Variants in VPS13B observed in about 807,000 individuals in gnomAD.
VPS13B encodes the protein vacuolar protein sorting 13 homolog B.
In VPS13B, 285 loss-of-function variants were observed where a neutral mutation model predicts 426.4. The ratio of observed to expected loss-of-function variants is 0.67; its 90% CI spans 0.61 to 0.74. VPS13B has a LOEUF of 0.74. Ranked by LOEUF, VPS13B falls within the 30% of genes least tolerant of loss-of-function variation. VPS13B has a pLI of 0.00. For synonymous variants in VPS13B, 1,676 were observed against 1,676.4 expected, an observed-to-expected ratio of 1.00 and a Z score of 0.01; for missense variants, 4,537 against 4,782.6, an observed-to-expected ratio of 0.95 and a Z score of 1.51.
At chr8:99,835,115 A>G (rs752626369) in intron 52 of VPS13B, 82 bp from the exon 53 acceptor site, 45 of 1,588,150 alleles carry the variant, frequency 2.8e-5, no homozygotes, top group Non-Finnish European at 3.8e-5. Context: ...AATGTTGCAA[A>G]TCTAAATAAA....
At chr8:99,489,239 C>T (rs567074414) in intron 25 of VPS13B, among the ~76,000 whole-genome samples, 1 of 152,130 alleles carries the variant, frequency 6.6e-6, no homozygotes, top group East Asian at 1.9e-4. Flanking sequence ...TTCCATTGGT[C>T]TGTATCTCTG....
chr8:99,178,178 C>T (rs190707374), intron 16 of VPS13B, among the ~76,000 whole-genome samples: 1 of 148,916 alleles, frequency 6.7e-6, no homozygotes, highest in South Asian at 2.1e-4. Context: ...TTATTATACT[C>T]TAAGTTTTAG....
At position 99,766,791 on chromosome 8, in the gene VPS13B, A is replaced by G; in HGVS notation, c.7068A>G (p.Glu2356=). ...TAACATAGGTTCCTTGTAGCTTGGA[A>G]TACTGGGATGAACTCCAGAAGGTTT... ...GDVLQVPCSL[E]YWDELQKVFV... is the part of the protein sequence containing the mutation. Residue 2356 remains glutamate, a synonymous_variant, in exon 40 of 62, where the codon GAA becomes GAG. Coordinates refer to ENST00000357162, the MANE Select transcript of VPS13B (RefSeq NM_152564.5). 6.2e-7 allele frequency: 1 copy of G among 1,613,842 alleles called. No homozygotes were observed. Among genetic ancestry groups the G allele is most frequent in the Admixed American group, 1.7e-5 (1 of 60,016 alleles).
intron 34 of VPS13B, among the ~76,000 whole-genome samples, chr8:99,646,849 C>G (rs908198475): frequency 5.3e-5 from 8 of 152,150 alleles, no homozygotes; most frequent in Non-Finnish European, 8.8e-5. Flanking sequence ...GATGCGCTGG[C>G]TTTCCCCTTT....
At chr8:99,755,104 A>G (rs1268697492) in intron 39 of VPS13B, among the ~76,000 whole-genome samples, 3 of 152,238 alleles carry the variant, frequency 2.0e-5, no homozygotes, top group South Asian at 2.1e-4. Context: ...GCTCATGAAT[A>G]AGACTATGCA....
At chr8:99,325,301 T>C (rs3103709) in intron 19 of VPS13B, among the ~76,000 whole-genome samples, 111,377 of 152,092 alleles carry the variant, frequency 0.73, 41,367 homozygotes, top group Middle Eastern at 0.83. Flanking sequence ...TACCCTGCTT[T>C]AGACTAACTT....
chr8:99,779,652 C>T (rs1209518128), intron 42 of VPS13B, among the ~76,000 whole-genome samples: 1 of 151,988 alleles, frequency 6.6e-6, no homozygotes, highest in East Asian at 1.9e-4. Context: ...AGGGATGAAG[C>T]GTAAGTCTAT....
chr8:99,746,578 G>A lies in VPS13B; in HGVS notation c.7051-20196G>A, dbSNP rs532487906. Among the ~76,000 whole-genome samples, 10 of 152,232 alleles carry A rather than the reference G, an allele frequency of 6.6e-5. No homozygotes were observed. The East Asian group carries it at 1.4e-3, about 21-fold the overall frequency. ...GTGCTTTGCTCTTCCCAAATCTTGC[G>A]CATTCCATACATCATAGTAGTTTAA... On this transcript the variant is annotated intron_variant, in intron 39 of 61. Transcript: ENST00000357162.
At chr8:99,540,009 TAAATTATATATATA>T (rs1309313792) in intron 30 of VPS13B, among the ~76,000 whole-genome samples, 1 of 86,678 alleles carries the variant, frequency 1.2e-5, no homozygotes, top group Non-Finnish European at 2.2e-5. Flanking sequence ...AATATATAAA[TAAATTATATATATA>T]TATATATATA....
intron 17 of VPS13B, among the ~76,000 whole-genome samples, chr8:99,260,484 C>G (rs1218546057): frequency 2.0e-5 from 3 of 151,980 alleles, no homozygotes; most frequent in Admixed American, 1.3e-4. Flanking sequence ...GCATGATCTG[C>G]CAACATATAT....
chr8:99,876,657 T>C lies in VPS13B; in HGVS notation c.*991T>C, dbSNP rs1817714318. 6.6e-6 allele frequency: 1 copy of C among 152,226 alleles called. No individual in the cohort carries two copies. The highest frequency in any genetic ancestry group is 1.9e-4 in the East Asian group (1 of 5,200). The allele number at this position is 152,226 out of a possible 1,614,324, so 9.4% of individuals were successfully genotyped here. Reference sequence around the variant, plus strand: ...GAAGATATTCCCAGTGTCTGTCTGATAATATTTTGCATCTAAGAATGGGTT... The same window carrying C: ...GAAGATATTCCCAGTGTCTGTCTGACAATATTTTGCATCTAAGAATGGGTT... On this transcript the variant is annotated 3_prime_UTR_variant, in exon 62 of 62. Coordinates refer to ENST00000357162, the MANE Select transcript of VPS13B (RefSeq NM_152564.5).
intron 31 of VPS13B, among the ~76,000 whole-genome samples, chr8:99,561,673 A>G (rs192425760): frequency 6.6e-6 from 1 of 152,340 alleles, no homozygotes; most frequent in Non-Finnish European, 1.5e-5. Context: ...CATTTAAGAT[A>G]GGCTAGGTTA....
chr8:99,128,384 C>T (rs1809553072), intron 8 of VPS13B, among the ~76,000 whole-genome samples: 1 of 38,944 alleles, frequency 2.6e-5, no homozygotes, highest in Non-Finnish European at 4.1e-5. Flanking sequence ...AAGATACTGT[C>T]CCAAAAAAAA....
chr8:99,203,621 C>G (rs1299131314), intron 17 of VPS13B, among the ~76,000 whole-genome samples: 1 of 152,226 alleles, frequency 6.6e-6, no homozygotes, highest in Non-Finnish European at 1.5e-5. Flanking sequence ...ACCCCATCGT[C>G]TCAGCCCAAA....
intron 43 of VPS13B, among the ~76,000 whole-genome samples, chr8:99,803,532 C>T (rs1052691692): frequency 3.9e-5 from 6 of 152,140 alleles, no homozygotes; most frequent in African/African-American, 1.4e-4. Flanking sequence ...TTTAAACTTA[C>T]TCTTTTAGGT....
chr8:99,284,061 T>C (rs1008617367), intron 19 of VPS13B, among the ~76,000 whole-genome samples: 2 of 152,170 alleles, frequency 1.3e-5, no homozygotes, highest in African/African-American at 4.8e-5. Context: ...TTAATAAATA[T>C]CTTATTGTAA....
At chr8:99,780,805 T>C (rs1457324172) in intron 42 of VPS13B, among the ~76,000 whole-genome samples, 2 of 152,172 alleles carry the variant, frequency 1.3e-5, no homozygotes, top group Non-Finnish European at 2.9e-5. Context: ...AATATGAAAG[T>C]GCACTACTTT....
At position 99,766,882 on chromosome 8, in the gene VPS13B, A is replaced by AATCTCG; in HGVS notation, c.7160_7165dup (p.Leu2388_Val2389insAspLeu). The AATCTCG allele has an allele frequency of 6.2e-7, 1 of 1,614,088 alleles. No homozygotes were observed. Among genetic ancestry groups the AATCTCG allele is most frequent in the Non-Finnish European group, 8.5e-7 (1 of 1,179,984 alleles). Reference sequence around the variant, plus strand: ...TTGTGAACTGCAGTTGCCGGATATCAATCTCGTGAATGACCAGAAGAAATT... The same window carrying AATCTCG: ...TTGTGAACTGCAGTTGCCGGATATCAATCTCGATCTCGTGAATGACCAGAAGAAATT... On this transcript the variant is annotated inframe_insertion, in exon 40 of 62. Transcript: ENST00000357162.
intron 6 of VPS13B, among the ~76,000 whole-genome samples, chr8:99,113,416 A>C (rs183239776): frequency 2.0e-5 from 3 of 150,928 alleles, no homozygotes; most frequent in Admixed American, 6.6e-5. Flanking sequence ...TTTTTTGTTA[A>C]TACTATTGTA....
Sources: allele counts gnomAD v4.1 joint callset (sites outside exome capture counted in the v4.1 genomes callset), GRCh38; gene constraint gnomAD v4.1.1; transcripts MANE v1.5; gene names NCBI Gene and HGNC (gene_info 2026-07-23, HGNC 2026-07-21).